RBM25: variants seen among roughly 807,000 people sequenced by gnomAD.
The protein encoded by RBM25 is RNA-binding protein 25.
In RBM25, 19 loss-of-function variants were observed where a neutral mutation model predicts 120.7. The observed-to-expected ratio is 0.16, with a 90% CI of 0.11 to 0.23. The LOEUF is 0.23. Ranked by LOEUF, RBM25 falls within the 10% of genes least tolerant of loss-of-function variation. The probability of loss-of-function intolerance (pLI) is 1.00; values close to 1 mark genes in which losing one functional copy is unlikely to be tolerated. For synonymous variants in RBM25, 390 were observed against 326.7 expected (o/e 1.19, Z -2.09); for missense variants, 605 against 1,041.5 (o/e 0.58, Z 5.77).
intron 13 of RBM25, among the ~76,000 whole-genome samples, chr14:73,108,286 G>T (rs1896232771): frequency 6.6e-6 from 1 of 152,194 alleles, no homozygotes; most frequent in South Asian, 2.1e-4. Flanking sequence ...TTGGGCTCAA[G>T]CAGTCCTCCC....
intron 4 of RBM25, among the ~76,000 whole-genome samples, chr14:73,078,569 A>G (rs756109179): frequency 2.3e-4 from 35 of 152,138 alleles, no homozygotes; most frequent in Non-Finnish European, 1.5e-4. Context: ...TGGCCATAAT[A>G]TTAATAGTTG....
chr14:73,071,744 C>T lies in RBM25; in HGVS notation c.103C>T (p.Pro35Ser), dbSNP rs1267296242. 1.9e-6 allele frequency: 3 copies of T among 1,607,804 alleles called. No individual in the cohort carries two copies. The African/African-American group carries it at 4.0e-5, about 21-fold the overall frequency. The change falls in exon 2 of 19, where the codon CCA (proline) becomes TCA (serine). Residue 35 changes from proline to serine, a missense_variant. By Grantham distance (74) the Pro-to-Ser change is moderately conservative. Coordinates refer to ENST00000261973, the MANE Select transcript of RBM25 (RefSeq NM_021239.3). ...QFPGFPPPVP[P>S]GTPMIPVPMS... Reference sequence around the variant, plus strand: ...TCCAGGATTTCCTCCACCTGTACCTCCAGGTAAGTTTGTTGATACTGTTTT... The same window carrying T: ...TCCAGGATTTCCTCCACCTGTACCTTCAGGTAAGTTTGTTGATACTGTTTT...
intron 1 of RBM25, among the ~76,000 whole-genome samples, chr14:73,060,453 ACTTTT>A (rs1325051450): frequency 1.3e-5 from 2 of 151,514 alleles, no homozygotes; most frequent in Non-Finnish European, 3.0e-5. Context: ...TTAGCAGTTT[ACTTTT>A]CTTATTTACA....
At chr14:73,111,256 G>T in intron 15 of RBM25, 101 bp downstream of exon 15, 1 of 1,057,450 alleles carries the variant, frequency 9.5e-7, no homozygotes, top group Non-Finnish European at 1.3e-6. Context: ...GCTTGGTTAG[G>T]TAGATAGAAG....
chr14:73,112,307 C>CCT, intron 17 of RBM25, 57 bp downstream of exon 17: 1 of 1,452,932 alleles, frequency 6.9e-7, no homozygotes, highest in Admixed American at 2.6e-5. Context: ...AAATATTAGA[C>CCT]ACTTCTTAAA....
At chr14:73,081,473 G>A (rs1895562252) in intron 4 of RBM25, among the ~76,000 whole-genome samples, 1 of 151,496 alleles carries the variant, frequency 6.6e-6, no homozygotes, top group Non-Finnish European at 1.5e-5. Flanking sequence ...ATGTGTTCTG[G>A]TTCCTCTAAG....
At chr14:73,078,175 T>C (rs1401779527) in intron 4 of RBM25, among the ~76,000 whole-genome samples, 2 of 152,038 alleles carry the variant, frequency 1.3e-5, no homozygotes, top group African/African-American at 4.8e-5. Flanking sequence ...TGGTGGCGTG[T>C]GCCTGTAATC....
At chr14:73,095,358 A>G (rs1053714476) in intron 6 of RBM25, among the ~76,000 whole-genome samples, 44 of 151,670 alleles carry the variant, frequency 2.9e-4, no homozygotes, top group Non-Finnish European at 5.6e-4. Flanking sequence ...TAATCCCAGC[A>G]CTTTGGGAGG....
intron 4 of RBM25, among the ~76,000 whole-genome samples, chr14:73,079,223 G>A (rs1895499419): frequency 6.6e-6 from 1 of 150,552 alleles, no homozygotes; most frequent in Non-Finnish European, 1.5e-5. Context: ...AGGAGTTTGA[G>A]ACCAGCCTGA....
chr14:73,114,260 A>C, intron 17 of RBM25, 26 bp from the exon 18 acceptor site: 1 of 1,466,844 alleles, frequency 6.8e-7, no homozygotes, highest in Non-Finnish European at 9.2e-7. Flanking sequence ...TTTATTTTTA[A>C]TGTGACAATT....
rs1255835554 is a variant in RBM25 at position 73,120,101 on chromosome 14, T to A, written c.*296T>A. 1 of 228,382 alleles carries A rather than the reference T, an allele frequency of 4.4e-6. No homozygotes were observed. Among genetic ancestry groups the A allele is most frequent in the South Asian group, 8.0e-5 (1 of 12,438 alleles). 14.1% of individuals were successfully genotyped at this position (228,382 alleles called of 1,614,324 possible). On this transcript the variant is annotated 3_prime_UTR_variant, in exon 19 of 19. Transcript: ENST00000261973. ...TAATCTTGTTCTGCTGATTTGTTTC[T>A]TGTAAATATTAAAACGACTCCCCAA...
intron 1 of RBM25, among the ~76,000 whole-genome samples, chr14:73,065,875 A>G (rs1048527913): frequency 6.6e-6 from 1 of 150,606 alleles, no homozygotes; most frequent in Non-Finnish European, 1.5e-5. Context: ...GTTTTTAAGC[A>G]TTATTTATAT....
chr14:73,103,543 A>T (rs1287646039), intron 10 of RBM25, 65 bp downstream of exon 10: 1 of 1,511,618 alleles, frequency 6.6e-7, no homozygotes, highest in African/African-American at 1.4e-5. Flanking sequence ...AGTCCTCCAG[A>T]GTACCATTTG....
intron 1 of RBM25, among the ~76,000 whole-genome samples, chr14:73,068,821 A>G (rs1594896926): frequency 6.6e-6 from 1 of 151,548 alleles, no homozygotes; most frequent in Non-Finnish European, 1.5e-5. Flanking sequence ...TGATCCACCC[A>G]CCTCGGCCTC....
chr14:73,099,368 A>T lies in RBM25; in HGVS notation c.730-12A>T. 1 of 1,595,206 alleles carries T rather than the reference A, an allele frequency of 6.3e-7. No homozygotes were observed. Among genetic ancestry groups the T allele is most frequent in the South Asian group, 1.1e-5 (1 of 87,112 alleles). On this transcript the variant is annotated splice_polypyrimidine_tract_variant and intron_variant, in intron 7 of 18. Coordinates refer to ENST00000261973, the MANE Select transcript of RBM25 (RefSeq NM_021239.3). ...CTTTTTTAAAAAAGATTCTTGGTGG[A>T]TTTTTTCACAGATTTTCCGCAGATT... is the stretch of plus-strand genomic sequence containing the variant.
At position 73,086,623 on chromosome 14, in the gene RBM25, A is replaced by T. The variant is rs180790301; in HGVS notation, c.383-1378A>T. Among the ~76,000 whole-genome samples the T allele has an allele frequency of 4.3e-4, 66 of 152,234 alleles. 1 individual carries two copies. The highest frequency in any genetic ancestry group is 3.7e-3 in the Admixed American group (56 of 15,276). On this transcript the variant is annotated intron_variant, in intron 5 of 18. Transcript: ENST00000261973. ...GGGGATGATAAACTATTAATTACTG[A>T]GTTGCTTTATCTTGCATTGCACATA...
chr14:73,091,643 C>G (rs185341953), intron 6 of RBM25, among the ~76,000 whole-genome samples: 38 of 151,750 alleles, frequency 2.5e-4, no homozygotes, highest in Admixed American at 2.4e-3. Context: ...AGGCCGAGGT[C>G]GGAGGATCAC....
chr14:73,062,443 T>C (rs1166754808), intron 1 of RBM25, among the ~76,000 whole-genome samples: 1 of 151,446 alleles, frequency 6.6e-6, no homozygotes, highest in African/African-American at 2.4e-5. Context: ...ATTTGGCACG[T>C]AGTGTACTGA....
At position 73,110,816 on chromosome 14, in the gene RBM25, T is replaced by C. The variant is rs960790425; in HGVS notation, c.1693-15T>C. The C allele has an allele frequency of 1.3e-6, 2 of 1,590,460 alleles. No individual in the cohort carries two copies. The highest frequency in any genetic ancestry group is 2.2e-5 in the East Asian group (1 of 44,804). ...TGTAGAGTTGTAGTTAATCAGATTA[T>C]TGTTTGGGTTTTAGATGGAACAAGA... On this transcript the variant is annotated splice_polypyrimidine_tract_variant and intron_variant, in intron 14 of 18. Coordinates refer to ENST00000261973, the MANE Select transcript of RBM25 (RefSeq NM_021239.3).
Sources: gnomAD v4.1 joint callset for allele counts (sites outside exome capture counted in the v4.1 genomes callset) on GRCh38, gnomAD v4.1.1 for gene constraint, MANE v1.5 for transcripts, NCBI Gene and HGNC (gene_info 2026-07-23, HGNC 2026-07-21) for gene names.